LRP1B: variants seen among roughly 807,000 people sequenced by gnomAD.
LRP1B encodes the protein LDL receptor related protein 1B.
LRP1B carries 217 observed loss-of-function variants against 556.6 expected under a neutral mutation model. The ratio of observed to expected loss-of-function variants is 0.39; its 90% CI spans 0.35 to 0.44. The LOEUF (loss-of-function observed/expected upper bound fraction) is 0.44. Ranked by LOEUF, LRP1B falls within the 20% of genes least tolerant of loss-of-function variation. The pLI is 1.00. For synonymous variants in LRP1B, 2,047 were observed against 1,865.8 expected, an observed-to-expected ratio of 1.10 and a Z score of -2.50; for missense variants, 5,053 against 5,620.8, an observed-to-expected ratio of 0.90 and a Z score of 3.23.
At chr2:140,413,487 A>G (rs562731807) in intron 66 of LRP1B, among the ~76,000 whole-genome samples, 10 of 152,306 alleles carry the variant, frequency 6.6e-5, no homozygotes, top group African/African-American at 2.4e-4. Context: ...TAGTTGAACA[A>G]TTTTACCTTG....
rs1023567949 is a variant in LRP1B, at chr2:141,005,391, C to T, written c.2447G>A (p.Arg816Gln). 26 of 1,611,120 alleles carry T rather than the reference C, an allele frequency of 1.6e-5. No homozygotes were observed. Among genetic ancestry groups the T allele is most frequent in the Non-Finnish European group, 2.0e-5 (24 of 1,178,182 alleles). The change falls in exon 15 of 91, where the codon CGG (arginine) becomes CAG (glutamine). Residue 816 changes from arginine to glutamine, a missense_variant. Physicochemically the swap from Arg to Gln is conservative, Grantham distance 43 (BLOSUM62 1). This residue lies in a region of LRP1B where 3,619 missense variants were observed against 3,931.9 expected (regional missense o/e 0.92). Transcript: ENST00000389484. ...STLCLAIPGG[R>Q]VCACADNQLL... is the part of the protein sequence containing the mutation. ...TTGATTATCGGCACAAGCACACACCCGGCCTCCTGGGATAGCCAAGCAAAG... is the reference window on the plus strand; with the variant it reads ...TTGATTATCGGCACAAGCACACACCTGGCCTCCTGGGATAGCCAAGCAAAG...
chr2:140,618,943 T>G (rs1001091402), intron 41 of LRP1B, among the ~76,000 whole-genome samples: 7 of 152,124 alleles, frequency 4.6e-5, no homozygotes, highest in Non-Finnish European at 1.0e-4. Flanking sequence ...ATTCCTGCAC[T>G]TCCCATACCT....
intron 2 of LRP1B, among the ~76,000 whole-genome samples, chr2:141,555,907 G>A (rs1685945003): frequency 6.6e-6 from 1 of 151,812 alleles, no homozygotes; most frequent in Non-Finnish European, 1.5e-5. Flanking sequence ...GGGTAAGTAA[G>A]CCAGTTTTAA....
intron 21 of LRP1B, among the ~76,000 whole-genome samples, chr2:140,912,785 C>G (rs1435829930): frequency 2.0e-5 from 3 of 151,670 alleles, no homozygotes; most frequent in African/African-American, 7.2e-5. Flanking sequence ...AACACAACTA[C>G]AAAGTCAACA....
intron 2 of LRP1B, among the ~76,000 whole-genome samples, chr2:141,542,429 G>A (rs1047944164): frequency 7.9e-5 from 12 of 151,920 alleles, no homozygotes; most frequent in African/African-American, 2.4e-4. Context: ...ACATGAGATT[G>A]TATGGCTAAA....
chr2:141,058,433 T>C (rs996389795), intron 9 of LRP1B, among the ~76,000 whole-genome samples: 10 of 151,840 alleles, frequency 6.6e-5, no homozygotes, highest in African/African-American at 2.2e-4. Flanking sequence ...AGCCTTCTCA[T>C]TGAAAATTAC....
intron 31 of LRP1B, among the ~76,000 whole-genome samples, chr2:140,829,331 A>G (rs1691636044): frequency 6.6e-6 from 1 of 152,200 alleles, no homozygotes; most frequent in Admixed American, 6.5e-5. Flanking sequence ...CACAATGCAC[A>G]TTCTTCTCAT....
intron 7 of LRP1B, among the ~76,000 whole-genome samples, chr2:141,127,031 C>T (rs545630549): frequency 5.7e-4 from 86 of 151,872 alleles, no homozygotes; most frequent in African/African-American, 2.0e-3. Flanking sequence ...CACAATAGGC[C>T]CCAGTGTGTG....
chr2:141,973,692 C>A (rs1002475105), intron 1 of LRP1B, among the ~76,000 whole-genome samples: 3 of 151,658 alleles, frequency 2.0e-5, no homozygotes, highest in Non-Finnish European at 4.4e-5. Flanking sequence ...TTGAGCAAAG[C>A]GGTATAATAT....
At chr2:141,586,547 C>T (rs568985006) in intron 2 of LRP1B, among the ~76,000 whole-genome samples, 1 of 152,200 alleles carries the variant, frequency 6.6e-6, no homozygotes, top group Non-Finnish European at 1.5e-5. Flanking sequence ...CACTCTAGAA[C>T]AAATGAAGTG....
intron 3 of LRP1B, among the ~76,000 whole-genome samples, chr2:141,345,111 G>A (rs1336056634): frequency 8.6e-6 from 1 of 115,780 alleles, no homozygotes; most frequent in Non-Finnish European, 1.9e-5. Context: ...GCCATTGCTG[G>A]CTTGAATGAT....
intron 1 of LRP1B, among the ~76,000 whole-genome samples, chr2:142,079,673 C>G (rs2104928311): frequency 6.6e-6 from 1 of 152,074 alleles, no homozygotes; most frequent in Admixed American, 6.5e-5. Context: ...ACATGCCCAG[C>G]TAATTTTTGT....
chr2:142,120,648 C>T (rs1167609227), intron 1 of LRP1B, among the ~76,000 whole-genome samples: 1 of 152,120 alleles, frequency 6.6e-6, no homozygotes, highest in Non-Finnish European at 1.5e-5. Context: ...AGGCCAATGC[C>T]TGTTTCTTTT....
intron 33 of LRP1B, among the ~76,000 whole-genome samples, chr2:140,775,597 G>A (rs991299670): frequency 6.6e-5 from 10 of 151,462 alleles, no homozygotes; most frequent in Non-Finnish European, 7.4e-5. Context: ...TGCCATTTGG[G>A]TAGTGTGACA....
intron 5 of LRP1B, among the ~76,000 whole-genome samples, chr2:141,245,310 T>C (rs1277399171): frequency 6.6e-6 from 1 of 152,202 alleles, no homozygotes; most frequent in Non-Finnish European, 1.5e-5. Flanking sequence ...CTGTTGTTGA[T>C]ATTTTGTAGA....
chr2:141,179,532 T>G (rs1251026390), intron 7 of LRP1B, among the ~76,000 whole-genome samples: 1 of 151,980 alleles, frequency 6.6e-6, no homozygotes, highest in Non-Finnish European at 1.5e-5. Flanking sequence ...TCCACTGGGG[T>G]ACATTTTATC....
At chr2:140,896,423 A>T (rs1384953117) in intron 23 of LRP1B, among the ~76,000 whole-genome samples, 1 of 151,896 alleles carries the variant, frequency 6.6e-6, no homozygotes, top group East Asian at 1.9e-4. Context: ...GTAGAGAAAT[A>T]AAAAAAAGAT....
chr2:140,803,621 A>G (rs1299971381), intron 32 of LRP1B, among the ~76,000 whole-genome samples: 3 of 151,948 alleles, frequency 2.0e-5, no homozygotes, highest in East Asian at 3.9e-4. Context: ...TAGACAAAAC[A>G]TAATGCAAAA....
At position 141,052,505 on chromosome 2, in the gene LRP1B, A is replaced by G. The variant is rs1044265106; in HGVS notation, c.1552+2611T>C. On this transcript the variant is annotated intron_variant, in intron 10 of 90. Transcript: ENST00000389484. ...TGCTTACCTATTGTTGGATAGCTATATTGTTTCTGAGTTGCTATTATTACA... is the reference window on the plus strand; with the variant it reads ...TGCTTACCTATTGTTGGATAGCTATGTTGTTTCTGAGTTGCTATTATTACA... Among the ~76,000 whole-genome samples, 46 of 151,998 alleles carry G rather than the reference A, an allele frequency of 3.0e-4. 1 individual carries two copies. The highest frequency in any genetic ancestry group is 2.0e-3 in the Admixed American group (30 of 15,234).
Sources: allele counts gnomAD v4.1 joint callset (sites outside exome capture counted in the v4.1 genomes callset), GRCh38; gene constraint gnomAD v4.1.1; regional missense constraint gnomAD v4.1.1; transcripts MANE v1.5; gene names NCBI Gene and HGNC (gene_info 2026-07-23, HGNC 2026-07-21).